The following PRODH2 variants were observed in gnomAD, a reference collection of about 807,000 sequenced individuals.
PRODH2 encodes proline dehydrogenase 2.
PRODH2 carries 49 observed loss-of-function variants against 51.9 expected under a neutral mutation model. The observed-to-expected ratio is 0.94, with a 90% confidence interval of 0.75 to 1.20. The LOEUF (loss-of-function observed/expected upper bound fraction) is 1.20. Among genes scored for constraint, PRODH2 ranks in the 50% most tolerant of loss-of-function variants. The pLI is 0.00. For missense variants in PRODH2, 597 were observed against 610.9 expected, an observed-to-expected ratio of 0.98 and a Z score of 0.24; for synonymous variants, 249 against 260.7, an observed-to-expected ratio of 0.96 and a Z score of 0.43.
At position 35,806,587 on chromosome 19, in the gene PRODH2, C is replaced by G. The variant is rs149964020; in HGVS notation, c.844G>C (p.Glu282Gln). The G allele has an allele frequency of 5.0e-6, 8 of 1,614,018 alleles. No homozygotes were observed. The Admixed American group carries it at 1.3e-4, about 27-fold the overall frequency. ...GCCTCTGCATCCCTCCCCAGCCGCT[C>G]GAATGTGTCCTATAGGGCACGCAGG... ...TYQACLKDTF[E>Q]RLGRDAEAAH... The change falls in exon 7 of 10, where the codon GAG becomes CAG. Residue 282 changes from glutamate to glutamine, a missense_variant. Coordinates refer to ENST00000653904, the MANE Select transcript of PRODH2 (RefSeq NM_021232.2).
At chr19:35,804,914 C>T (rs968883863) in intron 7 of PRODH2, among the ~76,000 whole-genome samples, 6 of 151,936 alleles carry the variant, frequency 3.9e-5, no homozygotes, top group South Asian at 2.1e-4. Context: ...CCAGCCTGGG[C>T]GACAGAGTGA....
chr19:35,811,934 C>T, intron 4 of PRODH2, 28 bp downstream of exon 4: 1 of 1,608,474 alleles, frequency 6.2e-7, no homozygotes, highest in Non-Finnish European at 8.5e-7. Context: ...GGCACTCTGT[C>T]CCCGACAGTC....
intron 7 of PRODH2, among the ~76,000 whole-genome samples, chr19:35,805,537 G>T (rs1014447079): frequency 6.6e-6 from 1 of 152,182 alleles, no homozygotes; most frequent in Non-Finnish European, 1.5e-5. Flanking sequence ...AAAGTGCCGG[G>T]ATTACAAGCG....
chr19:35,807,616 T>C (rs1014477149), intron 4 of PRODH2, among the ~76,000 whole-genome samples: 1 of 152,146 alleles, frequency 6.6e-6, no homozygotes, highest in African/African-American at 2.4e-5. Context: ...CCTGCTACTC[T>C]TTGAACACGA....
intron 4 of PRODH2, among the ~76,000 whole-genome samples, chr19:35,807,553 T>A (rs1038127455): frequency 6.6e-6 from 1 of 151,944 alleles, no homozygotes; most frequent in African/African-American, 2.4e-5. Context: ...TCTGCCCACA[T>A]CGGCCTCCCA....
At position 35,800,046 on chromosome 19, in the gene PRODH2, G is replaced by T. The variant is rs1322257348; in HGVS notation, c.1375C>A (p.Pro459Thr). 6.2e-7 allele frequency: 1 copy of T among 1,610,646 alleles called. No homozygotes were observed. The highest frequency in any genetic ancestry group is 8.5e-7 in the Non-Finnish European group (1 of 1,178,946). The stretch of plus-strand genomic sequence containing the variant: ...TGACCCCCTCAGGGGTGCTAGTGGG[G>T]TATCCTTCGGCATCCTGGCAGCAGC... ...RRLLPGCRRI[P>T]H The change falls in exon 10 of 10, where the codon CCC becomes ACC. Residue 459 changes from proline (P) to threonine (T), a missense_variant. Transcript: ENST00000653904.
In PRODH2 at chr19:35,805,701, T is replaced by C. The variant is rs147417912; in HGVS notation, c.1001+729A>G. Among the ~76,000 whole-genome samples, 485 of 152,288 alleles carry C rather than the reference T, an allele frequency of 3.2e-3. 3 individuals carry two copies. Among genetic ancestry groups the C allele is most frequent in the African/African-American group, 0.011 (444 of 41,566 alleles). On this transcript the variant is annotated intron_variant, in intron 7 of 9. Coordinates refer to ENST00000653904, the MANE Select transcript of PRODH2 (RefSeq NM_021232.2). The stretch of plus-strand genomic sequence containing the variant: ...TTGGGATGACAGGTGCACACCACTG[T>C]GCCTGGCTTGGTGCCAGTTAAGCTG...
intron 4 of PRODH2, among the ~76,000 whole-genome samples, chr19:35,811,539 GGA>G (rs933444448): frequency 6.7e-6 from 1 of 148,596 alleles, no homozygotes; most frequent in Non-Finnish European, 1.5e-5. Context: ...GAGGAAGGAA[GGA>G]GAGAGAGAGA....
In PRODH2 at chr19:35,806,410, G is replaced by A; in HGVS notation, c.1001+20C>T. 6.2e-7 allele frequency: 1 copy of A among 1,613,572 alleles called. No individual in the cohort carries two copies. Among genetic ancestry groups the A allele is most frequent in the Non-Finnish European group, 8.5e-7 (1 of 1,179,968 alleles). ...CTAGGTGTTATTATTTCCTGCAGAGGCCAGCTGGCCCGGGCCTACCTCTGA... is the reference window on the plus strand; with the variant it reads ...CTAGGTGTTATTATTTCCTGCAGAGACCAGCTGGCCCGGGCCTACCTCTGA... On this transcript the variant is annotated intron_variant, in intron 7 of 9. Transcript: ENST00000653904.
chr19:35,808,444 C>T (rs1364295974), intron 4 of PRODH2, among the ~76,000 whole-genome samples: 2 of 152,122 alleles, frequency 1.3e-5, no homozygotes, highest in Non-Finnish European at 2.9e-5. Flanking sequence ...CAACCTTCCG[C>T]ATGGTGGGGA....
chr19:35,802,356 G>A (rs141389693), intron 8 of PRODH2, 80 bp from the exon 9 acceptor site: 16 of 1,186,600 alleles, frequency 1.3e-5, no homozygotes, highest in African/African-American at 9.0e-5. Flanking sequence ...CCCATATGGC[G>A]GCTCCAGTAA....
rs763836227 is a variant in PRODH2 at position 35,806,547 on chromosome 19, C to T, written c.884G>A (p.Gly295Asp). Residue 295 changes from glycine (G) to aspartate (D), a missense_variant, in exon 7 of 10, where the codon GGC (glycine) becomes GAC (aspartate). Coordinates refer to ENST00000653904, the MANE Select transcript of PRODH2 (RefSeq NM_021232.2). ...TACCAGCTTCACTCCGAAGGCCAGG[C>T]CGGCCCTGTGCGCAGCCTCTGCATC... ...GRDAEAAHRA[G>D]LAFGVKLVRG... The T allele has an allele frequency of 1.2e-6, 2 of 1,614,136 alleles. No homozygotes were observed. The highest frequency in any genetic ancestry group is 1.7e-6 in the Non-Finnish European group (2 of 1,180,026).
intron 7 of PRODH2, 149 bp from the exon 8 acceptor site, chr19:35,803,227 C>T: frequency 2.2e-6 from 1 of 449,164 alleles, no homozygotes; most frequent in Non-Finnish European, 3.9e-6. Context: ...CTTCTCTGAG[C>T]CACTTTCATC....
Position 35,802,807 on chromosome 19 carries a change from A to G in PRODH2, c.1112+161T>C, listed in dbSNP as rs149597983. On this transcript the variant is annotated intron_variant, in intron 8 of 9. Transcript: ENST00000653904. ...AAACAATCCTCCACCTTCGCCTCCC[A>G]AAGTGTTGGGATTATAGGCATGTGC... 1.6e-3 allele frequency among the ~76,000 whole-genome samples: 241 copies of G among 151,400 alleles called. 3 individuals are homozygous for G. In the East Asian group the frequency reaches 0.038, roughly 24 times the overall value.
In PRODH2 at chr19:35,806,438, G is replaced by A. The variant is rs1396316189; in HGVS notation, c.993C>T (p.Thr331=). Residue 331 remains threonine, a synonymous_variant, in exon 7 of 10, where the codon ACC becomes ACT. Transcript: ENST00000653904. The part of the protein sequence containing the change: ...EDPTQPDYEA[T]SQSYSRCLEL... The stretch of plus-strand genomic sequence containing the variant: ...AGCTGGCCCGGGCCTACCTCTGACT[G>A]GTGGCCTCATAGTCAGGCTGAGTGG... 6.2e-7 allele frequency: 1 copy of A among 1,613,842 alleles called. No homozygotes were observed. The highest frequency in any genetic ancestry group is 8.5e-7 in the Non-Finnish European group (1 of 1,180,010).
intron 8 of PRODH2, among the ~76,000 whole-genome samples, chr19:35,802,673 C>T (rs935449783): frequency 6.6e-6 from 1 of 151,892 alleles, no homozygotes; most frequent in African/African-American, 2.4e-5. Flanking sequence ...GTGATCCTTC[C>T]ACCTCCGGAA....
chr19:35,811,081 G>C (rs925561403), intron 4 of PRODH2, among the ~76,000 whole-genome samples: 1 of 152,110 alleles, frequency 6.6e-6, no homozygotes, highest in African/African-American at 2.4e-5. Context: ...TAGAGGGATA[G>C]ATATGATTTA....
At chr19:35,809,762 T>C (rs142929126) in intron 4 of PRODH2, among the ~76,000 whole-genome samples, 3,980 of 149,320 alleles carry the variant, frequency 0.027, 158 homozygotes, top group African/African-American at 0.089. Context: ...AGTTAAAGAC[T>C]AGCCTGGCCA....
In PRODH2 at chr19:35,806,656, C is replaced by T. The variant is rs754596446; in HGVS notation, c.834+19G>A. ...GGTGTGGGGACCCCAGCCTGTACCT[C>T]CTGGAACACACTGCACACCTTTAGA... On this transcript the variant is annotated intron_variant, in intron 6 of 9. Coordinates refer to ENST00000653904, the MANE Select transcript of PRODH2 (RefSeq NM_021232.2). The T allele has an allele frequency of 1.2e-6, 2 of 1,614,000 alleles. No individual in the cohort carries two copies. The highest frequency in any genetic ancestry group is 1.7e-6 in the Non-Finnish European group (2 of 1,179,878).
Sources: allele counts gnomAD v4.1 joint callset (sites outside exome capture counted in the v4.1 genomes callset), GRCh38; gene constraint gnomAD v4.1.1; transcripts MANE v1.5; gene names NCBI Gene and HGNC (gene_info 2026-07-23, HGNC 2026-07-21).